The following TRAF2 variants were observed in gnomAD, a reference collection of about 807,000 sequenced individuals.
TRAF2 encodes TNF receptor-associated factor 2.
In TRAF2, 6 loss-of-function variants were observed where a neutral mutation model predicts 55.6. The ratio of observed to expected loss-of-function variants is 0.11; its 90% confidence interval spans 0.06 to 0.21. The LOEUF (loss-of-function observed/expected upper bound fraction) is 0.21. Ranked by LOEUF, TRAF2 falls within the 10% of genes least tolerant of loss-of-function variation. The pLI, the probability that TRAF2 is intolerant of heterozygous loss-of-function variation, is 1.00. For missense variants in TRAF2, 561 were observed against 684.5 expected, an observed-to-expected ratio of 0.82 and a Z score of 2.01; for synonymous variants, 329 against 276.3, an observed-to-expected ratio of 1.19 and a Z score of -1.89.
intron 4 of TRAF2, among the ~76,000 whole-genome samples, chr9:136,903,918 G>A (rs1249724024): frequency 1.3e-5 from 2 of 152,106 alleles, no homozygotes; most frequent in African/African-American, 2.4e-5. Flanking sequence ...TCCTGACCTC[G>A]TGATCCGCCT....
rs778765735 is a variant in TRAF2, at chr9:136,899,688, T to C, written c.267+16T>C. On this transcript the variant is annotated intron_variant, in intron 3 of 10. Coordinates refer to ENST00000247668, the MANE Select transcript of TRAF2 (RefSeq NM_021138.4). The stretch of plus-strand genomic sequence containing the variant: ...AAGCAGTTCGGTAAGTAAAATGTCT[T>C]GAAGCTAAAAATGTTGAACAGAAAA... 2.5e-5 allele frequency: 40 copies of C among 1,608,418 alleles called. No homozygotes were observed. The highest frequency in any genetic ancestry group is 4.0e-5 in the African/African-American group (3 of 74,754).
At chr9:136,916,414 A>T in intron 6 of TRAF2, 127 bp from the exon 7 acceptor site, 2 of 856,942 alleles carry the variant, frequency 2.3e-6, no homozygotes, top group Non-Finnish European at 3.9e-6. Flanking sequence ...GGTTTCATTC[A>T]GTGTGAGAGT....
Position 136,908,203 on chromosome 9 carries a change from G to T in TRAF2, c.500G>T (p.Arg167Leu). ...AGAAGCCTGAGCTGCCGGCATTGCC[G>T]GGCACCCTGCTGCGGAGCAGACGTG... The part of the protein sequence containing the change: ...PERSLSCRHC[R>L]APCCGADVKA... The change falls in exon 5 of 11, where the codon CGG (arginine) becomes CTG (leucine). Residue 167 changes from arginine (R) to leucine (L), a missense_variant. Physicochemically the swap from Arg to Leu is moderately radical, Grantham distance 102. Around this residue, in one of 2 missense-constraint regions of TRAF2, gnomAD observed 426 missense variants for 476.8 expected, o/e 0.89. Coordinates refer to ENST00000247668, the MANE Select transcript of TRAF2 (RefSeq NM_021138.4). The T allele has an allele frequency of 6.3e-7, 1 of 1,597,698 alleles. No homozygotes were observed. The highest frequency in any genetic ancestry group is 8.5e-7 in the Non-Finnish European group (1 of 1,178,714).
intron 1 of TRAF2, among the ~76,000 whole-genome samples, chr9:136,894,348 A>G (rs1849639184): frequency 6.6e-6 from 1 of 152,090 alleles, no homozygotes; most frequent in Non-Finnish European, 1.5e-5. Context: ...CCTGGCTGGT[A>G]GTGGCCCTTT....
chr9:136,898,675 T>A, intron 1 of TRAF2, 38 bp from the exon 2 acceptor site: 1 of 1,605,904 alleles, frequency 6.2e-7, no homozygotes, highest in Middle Eastern at 1.7e-4. Context: ...AGGACTGTTC[T>A]GGAATTGAGG....
intron 6 of TRAF2, among the ~76,000 whole-genome samples, chr9:136,911,374 C>T (rs572589664): frequency 6.6e-6 from 1 of 151,010 alleles, no homozygotes; most frequent in East Asian, 2.0e-4. Context: ...AGGTGATTCT[C>T]CTGCCTCAGC....
intron 1 of TRAF2, among the ~76,000 whole-genome samples, chr9:136,897,278 A>G (rs1203044422): frequency 6.9e-6 from 1 of 144,286 alleles, no homozygotes; most frequent in Non-Finnish European, 1.5e-5. Flanking sequence ...TGAGTGGCTG[A>G]GGCCATCACT....
intron 4 of TRAF2, among the ~76,000 whole-genome samples, chr9:136,905,498 A>C (rs1475029679): frequency 6.6e-6 from 1 of 152,208 alleles, no homozygotes; most frequent in Non-Finnish European, 1.5e-5. Context: ...ACAATGGGAA[A>C]GCGTGATGGA....
chr9:136,900,322 G>A, intron 3 of TRAF2, 100 bp from the exon 4 acceptor site: 1 of 726,140 alleles, frequency 1.4e-6, no homozygotes. Context: ...GAAAGGCGAT[G>A]TGACGCAGTA....
At chr9:136,908,615 C>T (rs1185589658) in intron 5 of TRAF2, among the ~76,000 whole-genome samples, 1 of 152,000 alleles carries the variant, frequency 6.6e-6, no homozygotes, top group East Asian at 1.9e-4. Flanking sequence ...GCCTGTAATC[C>T]CAGCACTTTG....
At chr9:136,883,959 T>A (rs1000951500), upstream of TRAF2, among the ~76,000 whole-genome samples, 1 of 150,362 alleles carries the variant, frequency 6.7e-6, no homozygotes, top group South Asian at 2.1e-4. Flanking sequence ...TGAGTAGCTG[T>A]GAGTACAGGC....
intron 10 of TRAF2, among the ~76,000 whole-genome samples, 170 bp downstream of exon 10, chr9:136,924,170 G>A (rs1023519076): frequency 6.6e-6 from 1 of 152,202 alleles, no homozygotes; most frequent in Non-Finnish European, 1.5e-5. Flanking sequence ...GGAGAGCTCT[G>A]GCAGTTTGTT....
chr9:136,882,661 C>T (rs577891307), upstream of TRAF2: 61 of 985,714 alleles, frequency 6.2e-5, 2 homozygotes, highest in African/African-American at 9.8e-4. Context: ...GCTTTCTTTT[C>T]GGCAGGAAGG....
upstream of TRAF2, chr9:136,882,600 G>C: frequency 4.2e-6 from 4 of 941,348 alleles, no homozygotes; most frequent in Non-Finnish European, 5.1e-6. Flanking sequence ...GAGACTGCCC[G>C]GGGACATACC....
Position 136,916,534 on chromosome 9 carries a change from C to T in TRAF2, c.604-7C>T, listed in dbSNP as rs776432284. 4 of 1,613,804 alleles carry T rather than the reference C, an allele frequency of 2.5e-6. No individual in the cohort carries two copies. Among genetic ancestry groups the T allele is most frequent in the Non-Finnish European group, 2.5e-6 (3 of 1,179,878 alleles). On this transcript the variant is annotated splice_polypyrimidine_tract_variant and splice_region_variant and intron_variant, in intron 6 of 10. Transcript: ENST00000247668. ...AAAGATGGCTCTGTGACGTCACTCC[C>T]TTGTAGTTTCAGGACCACGTCAAGA...
intron 6 of TRAF2, among the ~76,000 whole-genome samples, chr9:136,910,728 C>G (rs996899585): frequency 1.3e-5 from 2 of 152,188 alleles, no homozygotes; most frequent in African/African-American, 4.8e-5. Flanking sequence ...CCCGCGGGCT[C>G]AGCCTGACAG....
At chr9:136,899,048 C>T (rs1410622616) in intron 2 of TRAF2, 120 bp downstream of exon 2, 21 of 960,916 alleles carry the variant, frequency 2.2e-5, no homozygotes, top group South Asian at 1.4e-4. Context: ...CTCCAGTTAT[C>T]GATACTCCCT....
Position 136,923,858 on chromosome 9 carries a change from A to G in TRAF2, c.1145A>G (p.Tyr382Cys). 2 of 1,613,318 alleles carry G rather than the reference A, an allele frequency of 1.2e-6. No individual in the cohort carries two copies. Among genetic ancestry groups the G allele is most frequent in the Non-Finnish European group, 8.5e-7 (1 of 1,179,822 alleles). The change falls in exon 10 of 11, where the codon TAC becomes TGC. Residue 382 changes from tyrosine (Y) to cysteine (C), a missense_variant. Around this residue, in one of 2 missense-constraint regions of TRAF2, gnomAD observed 135 missense variants for 207.7 expected, o/e 0.65. Transcript: ENST00000247668. The part of the protein sequence containing the change: ...RIPAIFSPAF[Y>C]TSRYGYKMCL... ...ACCCCTCCTGCCTCCCCAGCCTTCTACACCAGCAGGTACGGCTACAAGATG... is the reference window on the plus strand; with the variant it reads ...ACCCCTCCTGCCTCCCCAGCCTTCTGCACCAGCAGGTACGGCTACAAGATG...
At chr9:136,886,047 G>A (rs10747039), upstream of TRAF2, 114,605 of 152,260 alleles carry the variant, frequency 0.75, 43,333 homozygotes, top group East Asian at 0.87. Flanking sequence ...TCCCGCGCGC[G>A]ACGCGCGCCT....
Sources: gnomAD v4.1 joint callset for allele counts (sites outside exome capture counted in the v4.1 genomes callset) on GRCh38, gnomAD v4.1.1 for gene constraint, gnomAD v4.1.1 regional missense constraint, MANE v1.5 for transcripts, NCBI Gene and HGNC (gene_info 2026-07-23, HGNC 2026-07-21) for gene names.